KAZN: variants seen among roughly 807,000 people sequenced by gnomAD.
KAZN encodes kazrin, periplakin interacting protein.
KAZN carries 40 observed loss-of-function variants against 87.4 expected under a neutral mutation model. The ratio of observed to expected loss-of-function variants is 0.46; its 90% CI spans 0.36 to 0.60. KAZN has a LOEUF of 0.60. KAZN is among the 20% of genes least tolerant of loss of function. KAZN has a pLI of 0.00. For missense variants in KAZN, 898 were observed against 1,073.9 expected, an observed-to-expected ratio of 0.84 and a Z score of 2.29; for synonymous variants, 466 against 458.3, an observed-to-expected ratio of 1.02 and a Z score of -0.22.
rs117459751 is a variant in KAZN at position 14,427,674 on chromosome 1, A to G, written c.250-171309A>G. On this transcript the variant is annotated intron_variant, in intron 2 of 16. Transcript: ENST00000636203. Reference sequence around the variant, plus strand: ...AAATACCAAGTATAATCCATATAGAATATAGGGTCACTATGAAGTGACATT... The same window carrying G: ...AAATACCAAGTATAATCCATATAGAGTATAGGGTCACTATGAAGTGACATT... Among the ~76,000 whole-genome samples, 563 of 152,302 alleles carry G rather than the reference A, an allele frequency of 3.7e-3. 8 individuals carry two copies. Among genetic ancestry groups the G allele is most frequent in the East Asian group, 0.023 (120 of 5,180 alleles).
chr1:13,912,226 G>A (rs1210765554), intron 1 of KAZN, among the ~76,000 whole-genome samples: 2 of 152,158 alleles, frequency 1.3e-5, no homozygotes, highest in East Asian at 3.9e-4. Context: ...GGTGAGCACC[G>A]TAGAGTGTTC....
chr1:14,808,355 G>A (rs1184019641), intron 1 of KAZN, among the ~76,000 whole-genome samples: 4 of 141,462 alleles, frequency 2.8e-5, no homozygotes, highest in Non-Finnish European at 6.0e-5. Flanking sequence ...GGAGTGCAGT[G>A]GTTCGATCTC....
At chr1:14,577,015 G>A (rs1282194934) in intron 2 of KAZN, among the ~76,000 whole-genome samples, 1 of 152,200 alleles carries the variant, frequency 6.6e-6, no homozygotes, top group Non-Finnish European at 1.5e-5. Context: ...CCCTTTGGTA[G>A]TTTGAAGACG....
At chr1:13,971,063 G>T (rs929775947) in intron 1 of KAZN, among the ~76,000 whole-genome samples, 3 of 152,174 alleles carry the variant, frequency 2.0e-5, no homozygotes, top group African/African-American at 7.2e-5. Flanking sequence ...CAGCAGGGAG[G>T]TTCTTCTGCT....
At chr1:14,151,515 T>C (rs746939462) in intron 1 of KAZN, among the ~76,000 whole-genome samples, 14 of 152,212 alleles carry the variant, frequency 9.2e-5, no homozygotes, top group Middle Eastern at 3.2e-3. Context: ...AGGAATTGGT[T>C]GAACTACTAT....
chr1:14,372,578 C>T (rs150898791), intron 2 of KAZN, among the ~76,000 whole-genome samples: 73 of 152,280 alleles, frequency 4.8e-4, no homozygotes, highest in Non-Finnish European at 8.8e-4. Context: ...ATGCCCCATG[C>T]GGGAGAGGGC....
chr1:13,951,605 T>C (rs1013706398), intron 1 of KAZN, among the ~76,000 whole-genome samples: 4 of 150,366 alleles, frequency 2.7e-5, no homozygotes, highest in Non-Finnish European at 5.9e-5. Flanking sequence ...CTGCTTAGAA[T>C]CTTAGCTCTA....
At chr1:14,479,791 G>A (rs143211826) in intron 2 of KAZN, among the ~76,000 whole-genome samples, 2,987 of 152,236 alleles carry the variant, frequency 0.02, 45 homozygotes, top group Non-Finnish European at 0.029. Flanking sequence ...CGTGGGAGGC[G>A]TTGCCAAATG....
intron 1 of KAZN, among the ~76,000 whole-genome samples, chr1:14,845,957 GC>G (rs1648704092): frequency 6.6e-6 from 1 of 152,120 alleles, no homozygotes; most frequent in African/African-American, 2.4e-5. Context: ...GAGTCCTCAA[GC>G]CAAGTTAGTC....
At chr1:15,082,218 T>C (rs1418754882) in intron 8 of KAZN, among the ~76,000 whole-genome samples, 3 of 152,148 alleles carry the variant, frequency 2.0e-5, no homozygotes, top group Non-Finnish European at 4.4e-5. Flanking sequence ...CCCAGCCAGG[T>C]GCAGGGACAC....
At position 14,735,917 on chromosome 1, in the gene KAZN, G is replaced by A. The variant is rs539178511; in HGVS notation, c.226+136694G>A. On this transcript the variant is annotated intron_variant, in intron 1 of 14. Coordinates refer to ENST00000376030, the MANE Select transcript of KAZN (RefSeq NM_201628.3). The surrounding 1 kb of genome is among the most constrained non-coding windows in gnomAD (Gnocchi z 4.3). ...GTGACAATCTCCACCTGTGGCCATA[G>A]AAGAATAAAAGCTTTGGGGGGAATG... 1.3e-5 allele frequency among the ~76,000 whole-genome samples: 2 copies of A among 152,262 alleles called. No homozygotes were observed. Among genetic ancestry groups the A allele is most frequent in the African/African-American group, 4.8e-5 (2 of 41,548 alleles).
rs374950460 is a variant in KAZN, at chr1:14,638,626, G to A, written c.226+39403G>A. Among the ~76,000 whole-genome samples, 237 of 151,888 alleles carry A rather than the reference G, an allele frequency of 1.6e-3. 3 individuals are homozygous for A. The highest frequency in any genetic ancestry group is 6.7e-3 in the South Asian group (32 of 4,802). ...GTTGTCCTGTTGAGAACTCTAAGGG[G>A]AAGACCCTGCCCGCAGTGGGAAATG... On this transcript the variant is annotated intron_variant, in intron 1 of 14. Transcript: ENST00000376030.
intron 2 of KAZN, among the ~76,000 whole-genome samples, chr1:14,181,739 G>A (rs1646203460): frequency 6.6e-6 from 1 of 152,164 alleles, no homozygotes; most frequent in African/African-American, 2.4e-5. Flanking sequence ...CTGAAGCTAT[G>A]ACAGCCAATT....
intron 2 of KAZN, among the ~76,000 whole-genome samples, chr1:14,413,618 A>G (rs1023266627): frequency 1.4e-5 from 2 of 146,926 alleles, no homozygotes; most frequent in Non-Finnish European, 3.0e-5. Context: ...AAAAAAAAAA[A>G]ACGCATTTAA....
chr1:14,695,508 A>ATTTTTTTTTTTTTTTTTTTTTTTTTTTTT (rs1230082930), intron 1 of KAZN, among the ~76,000 whole-genome samples: 19 of 67,740 alleles, frequency 2.8e-4, no homozygotes, highest in South Asian at 6.2e-4. Flanking sequence ...ACTACATTCC[A>ATTTTTTTTTTTTTTTTTTTTTTTTTTTTT]TCTTTTTTTT....
intron 2 of KAZN, among the ~76,000 whole-genome samples, chr1:15,032,025 A>G (rs1284785280): frequency 6.6e-6 from 1 of 152,074 alleles, no homozygotes; most frequent in Non-Finnish European, 1.5e-5. Flanking sequence ...TTATGTATCC[A>G]TCACAATAAC....
chr1:14,323,283 A>G (rs1020838968), intron 2 of KAZN, among the ~76,000 whole-genome samples: 2 of 152,120 alleles, frequency 1.3e-5, no homozygotes, highest in African/African-American at 2.4e-5. Context: ...CCACGTGGCC[A>G]TGCCTGGTGG....
chr1:14,168,019 G>A (rs1018561557), intron 1 of KAZN, among the ~76,000 whole-genome samples: 5 of 152,174 alleles, frequency 3.3e-5, no homozygotes, highest in East Asian at 1.9e-4. Flanking sequence ...CATCAGGGCC[G>A]CAGTTAACAC....
chr1:15,066,108 G>T lies in KAZN; in HGVS notation c.1222+355G>T, dbSNP rs866363732. On this transcript the variant is annotated intron_variant, in intron 8 of 14. Transcript: ENST00000376030. The surrounding 1 kb of genome is among the most constrained non-coding windows in gnomAD (Gnocchi z 4.3). ...GTTTATTATTTTTCTTCAGTGTTTG[G>T]TTTTTCTTTTTCTTTTTGTTTGGTT... 8.9e-7 allele frequency: 1 copy of T among 1,118,670 alleles called. No individual in the cohort carries two copies. The highest frequency in any genetic ancestry group is 1.1e-6 in the Non-Finnish European group (1 of 915,924). The allele number at this position is 1,118,670 out of a possible 1,614,324, so 69.3% of individuals were successfully genotyped here.
Sources: gnomAD v4.1 joint callset for allele counts (sites outside exome capture counted in the v4.1 genomes callset) on GRCh38, gnomAD v4.1.1 for gene constraint, Gnocchi (gnomAD v3.1) non-coding constraint, MANE v1.5 for transcripts, NCBI Gene and HGNC (gene_info 2026-07-23, HGNC 2026-07-21) for gene names.